The following RAB3C variants were observed in gnomAD, a reference collection of about 807,000 sequenced individuals.
RAB3C encodes ras-related protein Rab-3C.
A neutral mutation model predicts 26.4 loss-of-function variants in RAB3C; 17 were observed. That is an observed-to-expected ratio of 0.64 (90% CI 0.44 to 0.97). The LOEUF (loss-of-function observed/expected upper bound fraction) is 0.97. Among genes scored for constraint, RAB3C ranks in the 50% least tolerant of loss-of-function variants. The pLI is 0.00. For missense variants in RAB3C, 242 were observed against 281.9 expected, an observed-to-expected ratio of 0.86 and a Z score of 1.01; for synonymous variants, 91 against 95.9, an observed-to-expected ratio of 0.95 and a Z score of 0.30.
At chr5:58,838,547 A>G (rs1421711671) in intron 4 of RAB3C, among the ~76,000 whole-genome samples, 1 of 152,138 alleles carries the variant, frequency 6.6e-6, no homozygotes, top group African/African-American at 2.4e-5. Context: ...TATTGTGGTC[A>G]GGTAAGATAC....
At chr5:58,826,826 G>A (rs985299364) in intron 4 of RAB3C, among the ~76,000 whole-genome samples, 2 of 152,184 alleles carry the variant, frequency 1.3e-5, no homozygotes, top group South Asian at 2.1e-4. Flanking sequence ...ATCTGCTGGT[G>A]TTGTGCAACA....
intron 2 of RAB3C, among the ~76,000 whole-genome samples, chr5:58,702,278 T>C (rs1748860337): frequency 6.6e-6 from 1 of 152,192 alleles, no homozygotes; most frequent in South Asian, 2.1e-4. Context: ...GTTTCTGGCC[T>C]GTTAGTGGGT....
At chr5:58,656,697 A>C (rs1177803808) in intron 2 of RAB3C, among the ~76,000 whole-genome samples, 1 of 152,218 alleles carries the variant, frequency 6.6e-6, no homozygotes, top group African/African-American at 2.4e-5. Flanking sequence ...CATATACATT[A>C]TAAGAGGAAA....
intron 2 of RAB3C, among the ~76,000 whole-genome samples, chr5:58,708,268 G>A (rs1045024872): frequency 1.2e-4 from 19 of 152,150 alleles, no homozygotes; most frequent in Non-Finnish European, 2.4e-4. Flanking sequence ...AGGATTACAG[G>A]CATAAGCCAC....
At chr5:58,736,314 A>T (rs566924869) in intron 3 of RAB3C, among the ~76,000 whole-genome samples, 1 of 152,218 alleles carries the variant, frequency 6.6e-6, no homozygotes, top group African/African-American at 2.4e-5. Flanking sequence ...TGGAGATTTT[A>T]TATGCTAATG....
chr5:58,797,556 C>G (rs13361693), intron 3 of RAB3C, among the ~76,000 whole-genome samples: 34,504 of 151,276 alleles, frequency 0.23, 4,136 homozygotes, highest in East Asian at 0.45. Flanking sequence ...TAAACGTCCT[C>G]CTTCCCTCCA....
At chr5:58,829,318 A>C (rs1195139357) in intron 4 of RAB3C, among the ~76,000 whole-genome samples, 1 of 152,168 alleles carries the variant, frequency 6.6e-6, no homozygotes, top group Non-Finnish European at 1.5e-5. Context: ...CAATCTCATA[A>C]TTTAAGTTTT....
At position 58,712,618 on chromosome 5, in the gene RAB3C, G is replaced by A. The variant is rs558022445; in HGVS notation, c.253-13384G>A. The stretch of plus-strand genomic sequence containing the variant: ...TGGCTCACTTCAACCTCTGCCTCCC[G>A]GGTTCAAGCGATTCTCCTACCTCAG... On this transcript the variant is annotated intron_variant, in intron 2 of 4. Transcript: ENST00000282878. Among the ~76,000 whole-genome samples, 22 of 152,160 alleles carry A rather than the reference G, an allele frequency of 1.4e-4. 1 individual carries two copies. Among genetic ancestry groups the A allele is most frequent in the Non-Finnish European group, 2.5e-4 (17 of 68,004 alleles).
chr5:58,686,081 A>G (rs1388374746), intron 2 of RAB3C, among the ~76,000 whole-genome samples: 1 of 152,192 alleles, frequency 6.6e-6, no homozygotes, highest in East Asian at 1.9e-4. Flanking sequence ...AGAAAGACCA[A>G]TTAGGAGATG....
At chr5:58,712,306 C>G (rs1210012424) in intron 2 of RAB3C, among the ~76,000 whole-genome samples, 1 of 152,016 alleles carries the variant, frequency 6.6e-6, no homozygotes, top group Non-Finnish European at 1.5e-5. Flanking sequence ...GTATTTTTCT[C>G]AGTACCCCAC....
Position 58,664,654 on chromosome 5 carries a change from T to G in RAB3C, c.252+46784T>G, listed in dbSNP as rs114651122. Among the ~76,000 whole-genome samples, 456 of 152,292 alleles carry G rather than the reference T, an allele frequency of 3.0e-3. 1 individual carries two copies. Among genetic ancestry groups the G allele is most frequent in the African/African-American group, 0.01 (424 of 41,558 alleles). The stretch of plus-strand genomic sequence containing the variant: ...CACTAGGTGAGGGGTACACAGGATC[T>G]CTTTATATCATTTCTTAAAACTGCA... On this transcript the variant is annotated intron_variant, in intron 2 of 4. Transcript: ENST00000282878.
intron 2 of RAB3C, among the ~76,000 whole-genome samples, chr5:58,722,267 A>T (rs1740786745): frequency 6.6e-6 from 1 of 151,766 alleles, no homozygotes; most frequent in Non-Finnish European, 1.5e-5. Context: ...TGCTTGACAG[A>T]AAAGGTCTGG....
intron 1 of RAB3C, among the ~76,000 whole-genome samples, chr5:58,614,987 A>G (rs1006823437): frequency 1.3e-5 from 2 of 152,168 alleles, no homozygotes; most frequent in Admixed American, 1.3e-4. Flanking sequence ...GAGAATATGC[A>G]TAAGTCATAT....
chr5:58,711,785 C>T (rs1218617027), intron 2 of RAB3C, among the ~76,000 whole-genome samples: 1 of 152,080 alleles, frequency 6.6e-6, no homozygotes, highest in Admixed American at 6.6e-5. Context: ...GATTGTGGAT[C>T]CTCCTCTGGA....
rs1744321361 is a variant in RAB3C, at chr5:58,858,822, C to T, written c.*7471C>T. On this transcript the variant is annotated 3_prime_UTR_variant, in exon 5 of 5. Transcript: ENST00000282878. ...GACAAGCTGTTGCATTATCATATTC[C>T]TCTGTGCTGAGCAGCTCAAGACTCA... 6.6e-6 allele frequency: 1 copy of T among 152,192 alleles called. No homozygotes were observed. The highest frequency in any genetic ancestry group is 1.5e-5 in the Non-Finnish European group (1 of 68,036). 9.4% of individuals were successfully genotyped at this position (152,192 alleles called of 1,614,324 possible). A position where few individuals can be genotyped will look rare whatever the true frequency, so the allele number is the denominator to read the frequency against.
rs115044203 is a variant in RAB3C at position 58,614,803 on chromosome 5, G to A, written c.25-2840G>A. On this transcript the variant is annotated intron_variant, in intron 1 of 4. Coordinates refer to ENST00000282878, the MANE Select transcript of RAB3C (RefSeq NM_138453.4). ...ATACATGAGCTCCCGTGTGTGGAGT[G>A]AACTAATTGCAGATATAAAATATTT... 2.8e-3 allele frequency among the ~76,000 whole-genome samples: 431 copies of A among 152,182 alleles called. 3 individuals carry two copies. The highest frequency in any genetic ancestry group is 9.8e-3 in the African/African-American group (408 of 41,538).
At chr5:58,652,249 G>A (rs1561279081) in intron 2 of RAB3C, among the ~76,000 whole-genome samples, 4 of 151,456 alleles carry the variant, frequency 2.6e-5, no homozygotes, top group East Asian at 2.0e-4. Flanking sequence ...ATAAAGTATA[G>A]CATCTACAAT....
chr5:58,783,997 G>A (rs1437416626), intron 3 of RAB3C, among the ~76,000 whole-genome samples: 1 of 152,086 alleles, frequency 6.6e-6, no homozygotes. Flanking sequence ...GTGAGCATAT[G>A]GGAAGGCACT....
intron 3 of RAB3C, among the ~76,000 whole-genome samples, chr5:58,777,604 T>G (rs1252992030): frequency 1.3e-5 from 2 of 151,962 alleles, no homozygotes; most frequent in Non-Finnish European, 2.9e-5. Context: ...GTTTTTTTTT[T>G]TTTTTTTGTA....
Sources: gnomAD v4.1 joint callset for allele counts (sites outside exome capture counted in the v4.1 genomes callset) on GRCh38, gnomAD v4.1.1 for gene constraint, MANE v1.5 for transcripts, NCBI Gene and HGNC (gene_info 2026-07-23, HGNC 2026-07-21) for gene names.